The following LYSMD1 variants were observed in gnomAD, a reference collection of about 807,000 sequenced individuals.
The protein encoded by LYSMD1 is LysM domain containing 1, also known as lysM and putative peptidoglycan-binding domain-containing protein 1.
LYSMD1 carries 9 observed loss-of-function variants against 19.3 expected under a neutral mutation model. That is an observed-to-expected ratio of 0.47 (90% CI 0.28 to 0.81). The LOEUF is 0.81. Among genes scored for constraint, LYSMD1 ranks in the 40% least tolerant of loss-of-function variants. The pLI, the probability that LYSMD1 is intolerant of heterozygous loss-of-function variation, is 0.11. For synonymous variants in LYSMD1, 111 were observed against 111.7 expected (o/e 0.99, Z 0.04); for missense variants, 262 against 279.8 (o/e 0.94, Z 0.45).
chr1:151,165,284 T>C lies in LYSMD1; in HGVS notation c.-26A>G. ...CTCTTCACCCTGCCAACAGCTAAGGTTGCAACTAGGGGAGGTACGACCGAG... is the reference window on the plus strand; with the variant it reads ...CTCTTCACCCTGCCAACAGCTAAGGCTGCAACTAGGGGAGGTACGACCGAG... On this transcript the variant is annotated 5_prime_UTR_variant, in exon 1 of 3. Transcript: ENST00000368908. The C allele has an allele frequency of 1.2e-6, 2 of 1,604,432 alleles. No homozygotes were observed. Among genetic ancestry groups the C allele is most frequent in the Non-Finnish European group, 1.7e-6 (2 of 1,174,320 alleles).
Position 151,160,613 on chromosome 1 carries a change from AACAAGGAT to A in LYSMD1, c.*261_*268del. 3.5e-6 allele frequency: 1 copy of A among 282,630 alleles called. No individual in the cohort carries two copies. The highest frequency in any genetic ancestry group is 9.2e-5 in the South Asian group (1 of 10,836). The allele number at this position is 282,630 out of a possible 1,614,324, so 17.5% of individuals were successfully genotyped here. ...GAAAGGTAAAAAGGATAGGAAAGGCAACAAGGATATAAAAAGAGCCTTTTGAGTCTAAA... is the reference window on the plus strand; with the variant it reads ...GAAAGGTAAAAAGGATAGGAAAGGCAATAAAAAGAGCCTTTTGAGTCTAAA... On this transcript the variant is annotated 3_prime_UTR_variant, in exon 3 of 3. Coordinates refer to ENST00000368908, the MANE Select transcript of LYSMD1 (RefSeq NM_212551.5).
In LYSMD1 at chr1:151,160,810, C is replaced by A; in HGVS notation, c.*72G>T. 6.5e-7 allele frequency: 1 copy of A among 1,541,332 alleles called. No homozygotes were observed. Among genetic ancestry groups the A allele is most frequent in the Non-Finnish European group, 8.9e-7 (1 of 1,126,392 alleles). ...AGGCTCATAAGCCATGTTCTTGAGC[C>A]TCACCTCAGGCTCCTCTCCCCCTGA... On this transcript the variant is annotated 3_prime_UTR_variant, in exon 3 of 3. Coordinates refer to ENST00000368908, the MANE Select transcript of LYSMD1 (RefSeq NM_212551.5).
chr1:151,150,391 C>T, the LYSMD1 span, among the ~76,000 whole-genome samples: 1 of 152,188 alleles, frequency 6.6e-6, no homozygotes, highest in South Asian at 2.1e-4. Flanking sequence ...ATTTCTCTTC[C>T]CTTCATAACT....
intron 1 of LYSMD1, among the ~76,000 whole-genome samples, chr1:151,163,347 G>A (rs1683521135): frequency 6.6e-6 from 1 of 151,966 alleles, no homozygotes; most frequent in Non-Finnish European, 1.5e-5. Flanking sequence ...TTAAGGGCAA[G>A]GATTGTGACT....
chr1:151,157,066 A>T (rs1474148583), downstream of LYSMD1, among the ~76,000 whole-genome samples: 2 of 152,116 alleles, frequency 1.3e-5, no homozygotes, highest in Non-Finnish European at 2.9e-5. Context: ...ACAAGAGAAA[A>T]AGGGAGACTG....
the LYSMD1 span, among the ~76,000 whole-genome samples, chr1:151,152,029 T>C: frequency 3.3e-5 from 5 of 149,472 alleles, no homozygotes; most frequent in Non-Finnish European, 7.4e-5. Context: ...AAGAAATAAA[T>C]GCATCAAAGA....
Position 151,165,140 on chromosome 1 carries a change from A to C in LYSMD1, c.119T>G (p.Leu40Arg). 6.2e-7 allele frequency: 1 copy of C among 1,614,140 alleles called. No individual in the cohort carries two copies. Among genetic ancestry groups the C allele is most frequent in the South Asian group, 1.1e-5 (1 of 91,084 alleles). Reference sequence around the variant, plus strand: ...GTCTCCGGGCTCCAACTGATGCTCCAGGCGTCTTTCCCTCACTGGGGAGCA... The same window carrying C: ...GTCTCCGGGCTCCAACTGATGCTCCCGGCGTCTTTCCCTCACTGGGGAGCA... ...SACSPVRERR[L>R]EHQLEPGDTL... The change falls in exon 1 of 3, where the codon CTG becomes CGG. Residue 40 changes from leucine (L) to arginine (R), a missense_variant. Physicochemically the swap from Leu to Arg is moderately radical, Grantham distance 102. Coordinates refer to ENST00000368908, the MANE Select transcript of LYSMD1 (RefSeq NM_212551.5).
At chr1:151,163,328 A>G (rs992650089) in intron 1 of LYSMD1, among the ~76,000 whole-genome samples, 7 of 152,098 alleles carry the variant, frequency 4.6e-5, no homozygotes, top group African/African-American at 1.2e-4. Flanking sequence ...CCTAAACCCT[A>G]TAAGTCCTTT....
intron 1 of LYSMD1, 101 bp downstream of exon 1, chr1:151,164,978 T>C: frequency 1.0e-6 from 1 of 980,606 alleles, no homozygotes; most frequent in Non-Finnish European, 1.5e-6. Context: ...TGCAACACAT[T>C]AGGAACATTT....
At chr1:151,158,874 G>T, downstream of LYSMD1, 1 of 1,614,242 alleles carries the variant, frequency 6.2e-7, no homozygotes, top group Non-Finnish European at 8.5e-7. Context: ...CCCAGCGCGT[G>T]ATCAAGGACC....
the LYSMD1 span, among the ~76,000 whole-genome samples, chr1:151,150,585 C>T: frequency 1.2e-4 from 19 of 152,246 alleles, no homozygotes; most frequent in Admixed American, 3.9e-4. Context: ...GCCATTTGAC[C>T]TGTTGACTCC....
chr1:151,152,075 A>AAAC, the LYSMD1 span, among the ~76,000 whole-genome samples: 3 of 151,852 alleles, frequency 2.0e-5, no homozygotes, highest in Non-Finnish European at 2.9e-5. Flanking sequence ...CTCAGAGGAA[A>AAAC]AACAACAACA....
the LYSMD1 span, among the ~76,000 whole-genome samples, chr1:151,153,240 A>C: frequency 3.9e-5 from 6 of 152,352 alleles, no homozygotes; most frequent in East Asian, 1.2e-3. Context: ...TCACTCCTGT[A>C]ATCTCAGCAC....
chr1:151,162,160 GC>G, intron 1 of LYSMD1, 60 bp from the exon 2 acceptor site: 1 of 1,500,182 alleles, frequency 6.7e-7, no homozygotes, highest in Non-Finnish European at 9.0e-7. Flanking sequence ...TACATCTTGA[GC>G]TTTTTAAAGT....
rs114231524 is a variant in LYSMD1, at chr1:151,160,707, T to C, written c.*175A>G. 3.4e-3 allele frequency: 2,183 copies of C among 637,764 alleles called. 34 individuals carry two copies. In the African/African-American group the frequency reaches 0.035, roughly 10 times the overall value. 39.5% of individuals were successfully genotyped at this position (637,764 alleles called of 1,614,324 possible). A position where few individuals can be genotyped will look rare whatever the true frequency, so the allele number is the denominator to read the frequency against. The stretch of plus-strand genomic sequence containing the variant: ...AGGTCCAGTTCCCATTCCCTAATCT[T>C]GCCAATAAAACTGCCCCAGGCCAAG... On this transcript the variant is annotated 3_prime_UTR_variant, in exon 3 of 3. Transcript: ENST00000368908.
downstream of LYSMD1, among the ~76,000 whole-genome samples, chr1:151,156,228 C>T (rs924224438): frequency 6.6e-6 from 1 of 151,938 alleles, no homozygotes; most frequent in Non-Finnish European, 1.5e-5. Context: ...GCACCTTCCT[C>T]CCTTCAGTAT....
intron 1 of LYSMD1, among the ~76,000 whole-genome samples, chr1:151,163,735 C>G (rs1683541326): frequency 6.6e-6 from 1 of 151,872 alleles, no homozygotes; most frequent in South Asian, 2.1e-4. Context: ...ACCACATTGC[C>G]CAGAATGGTC....
At chr1:151,164,541 C>A (rs1303087075) in intron 1 of LYSMD1, among the ~76,000 whole-genome samples, 5 of 152,098 alleles carry the variant, frequency 3.3e-5, no homozygotes, top group Non-Finnish European at 7.4e-5. Flanking sequence ...ACAAAGGAGG[C>A]CACCTTACTG....
chr1:151,152,533 C>G, the LYSMD1 span, among the ~76,000 whole-genome samples: 1 of 151,164 alleles, frequency 6.6e-6, no homozygotes, highest in Non-Finnish European at 1.5e-5. Flanking sequence ...AACCCCGTCT[C>G]TACTAAAAAT....
Sources: gnomAD v4.1 joint callset for allele counts (sites outside exome capture counted in the v4.1 genomes callset) on GRCh38, gnomAD v4.1.1 for gene constraint, MANE v1.5 for transcripts, NCBI Gene and HGNC (gene_info 2026-07-23, HGNC 2026-07-21) for gene names.